LARGE1: variants seen among roughly 807,000 people sequenced by gnomAD.
The protein encoded by LARGE1 is LARGE xylosyl- and glucuronyltransferase 1.
LARGE1 carries 43 observed loss-of-function variants against 87.6 expected under a neutral mutation model. The observed-to-expected ratio is 0.49, with a 90% CI of 0.38 to 0.63. LARGE1 has a LOEUF of 0.63. Among genes scored for constraint, LARGE1 ranks in the 30% least tolerant of loss-of-function variants. The pLI is 0.00. For synonymous variants in LARGE1, 434 were observed against 394.6 expected (o/e 1.10, Z -1.18); for missense variants, 802 against 1,000.2 (o/e 0.80, Z 2.67).
intron 6 of LARGE1, among the ~76,000 whole-genome samples, chr22:33,532,365 A>G (rs2072248613): frequency 6.6e-6 from 1 of 152,254 alleles, no homozygotes; most frequent in African/African-American, 2.4e-5. Context: ...CTGTCCCCAC[A>G]GGATCTAGGT....
intron 1 of LARGE1, among the ~76,000 whole-genome samples, chr22:33,891,806 A>C (rs2065013965): frequency 6.6e-6 from 1 of 152,246 alleles, no homozygotes; most frequent in Non-Finnish European, 1.5e-5. Context: ...TTGGTTCATC[A>C]AAAGCAAAGT....
intron 2 of LARGE1, among the ~76,000 whole-genome samples, chr22:33,756,364 G>A (rs536938375): frequency 2.0e-5 from 3 of 152,176 alleles, no homozygotes; most frequent in Non-Finnish European, 4.4e-5. Context: ...TAAATCTGCT[G>A]TGAAAACAAA....
chr22:33,110,399 G>A, the LARGE1 span: 3 of 152,228 alleles, frequency 2.0e-5, no homozygotes, highest in African/African-American at 7.2e-5. Flanking sequence ...ATTTTCTGGG[G>A]CTTCTGCAGA....
chr22:33,085,124 A>C, the LARGE1 span, among the ~76,000 whole-genome samples: 1 of 152,172 alleles, frequency 6.6e-6, no homozygotes, highest in Non-Finnish European at 1.5e-5. Context: ...AAAAATACAA[A>C]AATTAACTGG....
intron 3 of LARGE1, among the ~76,000 whole-genome samples, chr22:33,626,764 G>A (rs577588356): frequency 1.3e-5 from 2 of 152,316 alleles, no homozygotes; most frequent in South Asian, 4.1e-4. Context: ...TTGGGTTAGG[G>A]TCAACCTAAT....
chr22:33,238,113 C>T (rs1245310869), intron 11 of LARGE1, among the ~76,000 whole-genome samples: 2 of 152,064 alleles, frequency 1.3e-5, no homozygotes, highest in Admixed American at 6.5e-5. Context: ...TTGGAAACAA[C>T]AACCAAAAAA....
rs148532096 is a variant in LARGE1, at chr22:33,171,383, G to A, written c.1731-4551C>T. On this transcript the variant is annotated intron_variant, in intron 11 of 11. Coordinates refer to the LARGE1 transcript ENST00000608642. ...TACTGCAGAAACTTGCATAAATAATGAGGAACTGAATGTTAATAGCCAAGA... is the reference window on the plus strand; with the variant it reads ...TACTGCAGAAACTTGCATAAATAATAAGGAACTGAATGTTAATAGCCAAGA... Among the ~76,000 whole-genome samples, 910 of 152,320 alleles carry A rather than the reference G, an allele frequency of 6.0e-3. 10 individuals are homozygous for A. The highest frequency in any genetic ancestry group is 0.02 in the African/African-American group (851 of 41,578).
intron 11 of LARGE1, among the ~76,000 whole-genome samples, chr22:33,176,017 G>A (rs1481113664): frequency 1.3e-5 from 2 of 152,240 alleles, no homozygotes; most frequent in East Asian, 3.9e-4. Flanking sequence ...ACAACCATCT[G>A]ATCTTTGACC....
chr22:33,115,582 T>C, the LARGE1 span, among the ~76,000 whole-genome samples: 11 of 148,634 alleles, frequency 7.4e-5, no homozygotes, highest in South Asian at 2.1e-4. Flanking sequence ...CTTTGGGAGG[T>C]CAAGGCGGGG....
At chr22:33,586,545 C>T (rs1010290375) in intron 5 of LARGE1, among the ~76,000 whole-genome samples, 15 of 151,954 alleles carry the variant, frequency 9.9e-5, no homozygotes, top group Non-Finnish European at 1.9e-4. Context: ...GCAAGCTCCG[C>T]CTCCTGGGTT....
downstream of LARGE1, among the ~76,000 whole-genome samples, chr22:33,157,893 C>G (rs1319828950): frequency 6.6e-6 from 1 of 152,016 alleles, no homozygotes; most frequent in African/African-American, 2.4e-5. Context: ...GACTGCCAAC[C>G]TAGATTTGTA....
At chr22:33,805,849 TCAAA>T (rs2086292719) in intron 1 of LARGE1, among the ~76,000 whole-genome samples, 1 of 152,208 alleles carries the variant, frequency 6.6e-6, no homozygotes, top group Non-Finnish European at 1.5e-5. Context: ...TTTCTTCCAT[TCAAA>T]CAATGTTCAC....
At chr22:33,256,415 C>T (rs1568991913) in intron 11 of LARGE1, among the ~76,000 whole-genome samples, 1 of 152,210 alleles carries the variant, frequency 6.6e-6, no homozygotes, top group Admixed American at 6.5e-5. Context: ...CCCGCTCTGC[C>T]ACTAATTCAC....
chr22:33,387,203 T>C (rs890668168), intron 7 of LARGE1, among the ~76,000 whole-genome samples: 3 of 148,156 alleles, frequency 2.0e-5, no homozygotes, highest in African/African-American at 7.4e-5. Context: ...GGTGCACAGA[T>C]CATCTGAAGT....
chr22:33,499,852 C>A (rs1348658980), intron 6 of LARGE1, among the ~76,000 whole-genome samples: 2 of 152,190 alleles, frequency 1.3e-5, no homozygotes, highest in Non-Finnish European at 2.9e-5. Flanking sequence ...CGGCTCACTG[C>A]AACCTCCGCC....
Position 33,453,511 on chromosome 22 carries a change from G to T in LARGE1, c.788-21246C>A, listed in dbSNP as rs540302506. ...AGTGACCAAAACTACCACCACTGGT[G>T]GTGAGAGTTTATAAAGCTACCAAGA... On this transcript the variant is annotated intron_variant, in intron 6 of 14. Coordinates refer to ENST00000397394, the MANE Select transcript of LARGE1 (RefSeq NM_133642.5). Among the ~76,000 whole-genome samples the T allele has an allele frequency of 3.9e-5, 6 of 152,282 alleles. 1 individual carries two copies. The highest frequency in any genetic ancestry group is 1.2e-4 in the African/African-American group (5 of 41,564).
intron 2 of LARGE1, among the ~76,000 whole-genome samples, chr22:33,685,711 G>A (rs2081923943): frequency 6.6e-6 from 1 of 152,168 alleles, no homozygotes; most frequent in Non-Finnish European, 1.5e-5. Flanking sequence ...TAGGATTGAG[G>A]CAGCTTTCCA....
chr22:33,423,105 G>T (rs2066753436), intron 7 of LARGE1, among the ~76,000 whole-genome samples: 1 of 150,898 alleles, frequency 6.6e-6, no homozygotes, highest in Non-Finnish European at 1.5e-5. Context: ...ACCAAGAGTT[G>T]TTCACTACTT....
chr22:33,075,409 T>C, the LARGE1 span, among the ~76,000 whole-genome samples: 4 of 152,240 alleles, frequency 2.6e-5, no homozygotes, highest in African/African-American at 9.6e-5. Flanking sequence ...CTTCCTTAGG[T>C]GAATCAGTCA....
Sources: allele counts gnomAD v4.1 joint callset (sites outside exome capture counted in the v4.1 genomes callset), GRCh38; gene constraint gnomAD v4.1.1; transcripts MANE v1.5; gene names NCBI Gene and HGNC (gene_info 2026-07-23, HGNC 2026-07-21).